NUBPL: variants seen among roughly 807,000 people sequenced by gnomAD.
NUBPL encodes the protein NUBP iron-sulfur cluster assembly factor, mitochondrial.
NUBPL carries 31 observed loss-of-function variants against 45.7 expected under a neutral mutation model. The ratio of observed to expected loss-of-function variants is 0.68; its 90% CI spans 0.51 to 0.92. The LOEUF (loss-of-function observed/expected upper bound fraction) is 0.92, where lower values mean the gene tolerates loss of function less well. Ranked by LOEUF, NUBPL falls within the 40% of genes least tolerant of loss-of-function variation. NUBPL has a pLI of 0.00. For synonymous variants in NUBPL, 144 were observed against 140.9 expected (o/e 1.02, Z -0.15); for missense variants, 401 against 398.7 (o/e 1.01, Z -0.05).
chr14:31,634,494 G>C (rs1208963109), intron 4 of NUBPL, among the ~76,000 whole-genome samples: 1 of 151,848 alleles, frequency 6.6e-6, no homozygotes. Flanking sequence ...ATCATTGTTG[G>C]ACATTTGGGT....
Position 31,843,585 on chromosome 14 carries a change from A to G in NUBPL, c.694-2886A>G, listed in dbSNP as rs189624509. ...CATTATATAACTCAGACACCTTAAT[A>G]TAGCCTACAAGCCCCACCTTTCCAG... On this transcript the variant is annotated intron_variant, in intron 8 of 10. Transcript: ENST00000281081. Among the ~76,000 whole-genome samples the G allele has an allele frequency of 3.9e-5, 6 of 152,294 alleles. 1 individual carries two copies. Among genetic ancestry groups the G allele is most frequent in the Admixed American group, 3.9e-4 (6 of 15,286 alleles).
intron 4 of NUBPL, among the ~76,000 whole-genome samples, chr14:31,670,653 G>A (rs998223773): frequency 6.6e-6 from 1 of 152,144 alleles, no homozygotes; most frequent in African/African-American, 2.4e-5. Context: ...TTTTGTATAT[G>A]GTGTAAGAAA....
chr14:31,858,706 A>G, intron 10 of NUBPL, among the ~76,000 whole-genome samples: 1 of 152,192 alleles, frequency 6.6e-6, no homozygotes, highest in East Asian at 1.9e-4. Context: ...AAACTGTAGC[A>G]TGGTAATAAA....
chr14:31,729,249 A>T (rs1307617655), intron 6 of NUBPL, among the ~76,000 whole-genome samples: 2 of 149,710 alleles, frequency 1.3e-5, no homozygotes, highest in Non-Finnish European at 3.0e-5. Flanking sequence ...ACTGCACTCC[A>T]GCCTGGGTGA....
intron 6 of NUBPL, among the ~76,000 whole-genome samples, chr14:31,782,002 C>T (rs2039199322): frequency 6.6e-6 from 1 of 152,088 alleles, no homozygotes; most frequent in Non-Finnish European, 1.5e-5. Flanking sequence ...TTTCTAAATC[C>T]ATATTGTGAA....
intron 3 of NUBPL, among the ~76,000 whole-genome samples, chr14:31,571,506 G>C (rs1595294829): frequency 6.6e-6 from 1 of 151,668 alleles, no homozygotes; most frequent in East Asian, 1.9e-4. Context: ...CTGGAGTGCA[G>C]TGGCATGATC....
intron 4 of NUBPL, among the ~76,000 whole-genome samples, chr14:31,660,505 T>A (rs1015615209): frequency 6.6e-6 from 1 of 152,210 alleles, no homozygotes; most frequent in Non-Finnish European, 1.5e-5. Context: ...AACATTCTTG[T>A]ATCTTTGCAT....
At chr14:31,616,543 G>A (rs892218691) in intron 4 of NUBPL, among the ~76,000 whole-genome samples, 1 of 151,768 alleles carries the variant, frequency 6.6e-6, no homozygotes, top group African/African-American at 2.4e-5. Flanking sequence ...TTTCCCCATT[G>A]CTTGTTTTTG....
At chr14:31,826,531 A>G (rs544338734) in intron 7 of NUBPL, 98 bp from the exon 8 acceptor site, 1 of 990,566 alleles carries the variant, frequency 1.0e-6, no homozygotes, top group African/African-American at 1.6e-5. Flanking sequence ...TAAATAGTTA[A>G]CGTAATAGAC....
At chr14:31,641,032 A>C (rs952898699) in intron 4 of NUBPL, among the ~76,000 whole-genome samples, 1 of 151,858 alleles carries the variant, frequency 6.6e-6, no homozygotes, top group Non-Finnish European at 1.5e-5. Flanking sequence ...GCTCACTGCA[A>C]CCTCTGCCTC....
intron 7 of NUBPL, among the ~76,000 whole-genome samples, chr14:31,805,079 AAAACATT>A (rs1353893919): frequency 8.5e-5 from 13 of 152,112 alleles, no homozygotes; most frequent in African/African-American, 3.1e-4. Context: ...AAGACAAAAA[AAAACATT>A]AAAAAGTGGG....
At position 31,688,652 on chromosome 14, in the gene NUBPL, G is replaced by T. The variant is rs1000309206; in HGVS notation, c.513+15078G>T. ...AGGCTATCTGCCTGAACAGGTTTTT[G>T]TTGTTGTTTTTTTTTTTTTTTAACT... On this transcript the variant is annotated intron_variant, in intron 6 of 10. Transcript: ENST00000281081. 6.8e-3 allele frequency among the ~76,000 whole-genome samples: 677 copies of T among 99,068 alleles called. 11 individuals carry two copies. The highest frequency in any genetic ancestry group is 0.025 in the African/African-American group (611 of 24,762). 65.0% of individuals were successfully genotyped at this position (99,068 alleles called of 152,430 possible). A position where few individuals can be genotyped will look rare whatever the true frequency, so the allele number is the denominator to read the frequency against.
At chr14:31,781,462 A>G (rs2039189714) in intron 6 of NUBPL, among the ~76,000 whole-genome samples, 1 of 152,244 alleles carries the variant, frequency 6.6e-6, no homozygotes, top group African/African-American at 2.4e-5. Flanking sequence ...GACCTTCAAG[A>G]TAAATCTGAA....
chr14:31,834,691 A>G (rs557638183), intron 8 of NUBPL, among the ~76,000 whole-genome samples: 60 of 152,338 alleles, frequency 3.9e-4, no homozygotes, highest in African/African-American at 1.3e-3. Flanking sequence ...ATGCTGTTCT[A>G]TGTGAGTTAC....
At chr14:31,673,428 A>G (rs2036622402) in intron 5 of NUBPL, 34 bp downstream of exon 5, 1 of 1,605,430 alleles carries the variant, frequency 6.2e-7, no homozygotes, top group African/African-American at 1.3e-5. Flanking sequence ...GTTACTTTTC[A>G]GAATAATGTT....
intron 3 of NUBPL, among the ~76,000 whole-genome samples, chr14:31,568,344 G>GA (rs1417819668): frequency 3.3e-5 from 5 of 151,364 alleles, no homozygotes; most frequent in Admixed American, 6.6e-5. Context: ...TTCCTGTTTA[G>GA]AAAAAAAAAG....
intron 4 of NUBPL, among the ~76,000 whole-genome samples, chr14:31,630,061 TTCTC>T (rs2035302434): frequency 6.6e-6 from 1 of 152,142 alleles, no homozygotes; most frequent in Non-Finnish European, 1.5e-5. Context: ...TTAACTGCCT[TTCTC>T]TATTATTACA....
intron 6 of NUBPL, among the ~76,000 whole-genome samples, chr14:31,781,978 TTG>T (rs2039198886): frequency 6.6e-6 from 1 of 152,200 alleles, no homozygotes; most frequent in Non-Finnish European, 1.5e-5. Context: ...CCTTTTTATC[TTG>T]TTTCTGTTTC....
chr14:31,752,802 G>C (rs2138693814), intron 6 of NUBPL, among the ~76,000 whole-genome samples: 1 of 152,292 alleles, frequency 6.6e-6, no homozygotes, highest in East Asian at 1.9e-4. Context: ...CCTAAGACTG[G>C]ATAATTAATG....
Sources: gnomAD v4.1 joint callset for allele counts (sites outside exome capture counted in the v4.1 genomes callset) on GRCh38, gnomAD v4.1.1 for gene constraint, MANE v1.5 for transcripts, NCBI Gene and HGNC (gene_info 2026-07-23, HGNC 2026-07-21) for gene names.